Variants in PUDP observed in about 807,000 individuals in gnomAD.
PUDP encodes the protein pseudouridine-5'-phosphatase.
A neutral mutation model predicts 9.4 loss-of-function variants in PUDP; 8 were observed. The ratio of observed to expected loss-of-function variants is 0.85; its 90% CI spans 0.50 to 1.53. The LOEUF (loss-of-function observed/expected upper bound fraction) is 1.53, where lower values mean the gene tolerates loss of function less well. Ranked by LOEUF, PUDP falls within the 40% of genes most tolerant of loss-of-function variation. The pLI, the probability that PUDP is intolerant of heterozygous loss-of-function variation, is 0.00. For synonymous variants in PUDP, 99 were observed against 80.7 expected, an observed-to-expected ratio of 1.23 and a Z score of -1.22; for missense variants, 188 against 189.7, an observed-to-expected ratio of 0.99 and a Z score of 0.05.
At chrX:6,995,552 C>T (rs1269463536) in intron 1 of PUDP, among the ~76,000 whole-genome samples, 2 of 109,464 alleles carry the variant, frequency 1.8e-5, no homozygotes, top group Non-Finnish European at 3.8e-5. Flanking sequence ...GGCAAAACCC[C>T]GTCTCTAAAA....
intron 3 of PUDP, among the ~76,000 whole-genome samples, chrX:7,072,762 C>T (rs997801376): frequency 1.3e-4 from 13 of 99,619 alleles, no homozygotes; most frequent in Non-Finnish European, 2.4e-4. Context: ...TGCAGTGAGC[C>T]GAGATCGTGC....
rs1055951029 is a variant in PUDP at position 6,795,685 on chromosome X, A to C, written c.*248-89219T>G. ...CATTTCTATCTTCCAAGGCTTTTACATAAACACACATGCTTGAAAAGGATG... is the reference window on the plus strand; with the variant it reads ...CATTTCTATCTTCCAAGGCTTTTACCTAAACACACATGCTTGAAAAGGATG... On this transcript the variant is annotated intron_variant and NMD_transcript_variant, in intron 3 of 3. Transcript: ENST00000655425. 1.8e-4 allele frequency among the ~76,000 whole-genome samples: 20 copies of C among 111,849 alleles called. 1 individual carries two copies. Among genetic ancestry groups the C allele is most frequent in the Non-Finnish European group, 3.8e-4 (20 of 53,192 alleles).
At chrX:6,766,803 A>G (rs2369823) in intron 3 of PUDP, among the ~76,000 whole-genome samples, 1 of 112,060 alleles carries the variant, frequency 8.9e-6, no homozygotes, top group Non-Finnish European at 1.9e-5. Context: ...CTGCAATTCT[A>G]TAGTATTGCC....
chrX:6,974,281 G>C (rs1200541067), intron 3 of PUDP, among the ~76,000 whole-genome samples: 1 of 111,498 alleles, frequency 9.0e-6, no homozygotes, highest in Admixed American at 9.5e-5. Context: ...GTTAGTTGAT[G>C]TAGTTGATGC....
At chrX:6,767,467 A>G (rs1925299604) in intron 3 of PUDP, among the ~76,000 whole-genome samples, 2 of 112,637 alleles carry the variant, frequency 1.8e-5, no homozygotes, top group South Asian at 7.4e-4. Context: ...TGTGGAATAC[A>G]TGGCCATACA....
chrX:6,944,183 G>A (rs1005159555), intron 3 of PUDP, among the ~76,000 whole-genome samples: 3 of 110,491 alleles, frequency 2.7e-5, no homozygotes, highest in Non-Finnish European at 5.7e-5. Flanking sequence ...GAGTTCTCAC[G>A]AGATCTGATG....
intron 3 of PUDP, among the ~76,000 whole-genome samples, chrX:6,802,197 T>C (rs1156871148): frequency 9.0e-6 from 1 of 111,725 alleles, no homozygotes; most frequent in Non-Finnish European, 1.9e-5. Flanking sequence ...ATATAGAAGG[T>C]AAATTATCCC....
chrX:6,777,849 C>T (rs1271615408), intron 3 of PUDP, among the ~76,000 whole-genome samples: 2 of 111,733 alleles, frequency 1.8e-5, no homozygotes, highest in Admixed American at 9.5e-5. Context: ...GACACCTACC[C>T]GGAAACAGGT....
chrX:6,787,219 TA>T (rs940541714), intron 3 of PUDP, among the ~76,000 whole-genome samples: 2 of 111,382 alleles, frequency 1.8e-5, no homozygotes, highest in Non-Finnish European at 3.8e-5. Context: ...TTGAATAGCC[TA>T]AAAAAAACCC....
intron 3 of PUDP, among the ~76,000 whole-genome samples, chrX:6,971,887 C>A (rs1928883233): frequency 9.0e-6 from 1 of 111,675 alleles, no homozygotes; most frequent in Non-Finnish European, 1.9e-5. Flanking sequence ...CTCTTGTTTC[C>A]TTGAGCAATG....
chrX:7,060,900 T>C (rs1930382956), intron 3 of PUDP, among the ~76,000 whole-genome samples: 3 of 112,178 alleles, frequency 2.7e-5, no homozygotes, highest in Admixed American at 1.9e-4. Flanking sequence ...CAATGGGCTC[T>C]GCTGACCACT....
At chrX:6,879,453 C>T (rs1927313863) in intron 3 of PUDP, among the ~76,000 whole-genome samples, 1 of 111,388 alleles carries the variant, frequency 9.0e-6, no homozygotes. Context: ...CACACACACA[C>T]ACACACACAC....
chrX:6,799,864 T>C (rs963281091), intron 3 of PUDP, among the ~76,000 whole-genome samples: 34 of 111,687 alleles, frequency 3.0e-4, no homozygotes, highest in African/African-American at 1.0e-3. Flanking sequence ...AAAAATAACA[T>C]TGGGCTTTAA....
At chrX:7,115,904 C>T (rs1473357012) in intron 1 of PUDP, among the ~76,000 whole-genome samples, 1 of 112,510 alleles carries the variant, frequency 8.9e-6, no homozygotes, top group Non-Finnish European at 1.9e-5. Context: ...AAGAGTCTAT[C>T]TGCTCAAAGC....
At chrX:6,717,778 G>T (rs1924616970) in intron 1 of PUDP, among the ~76,000 whole-genome samples, 1 of 111,788 alleles carries the variant, frequency 8.9e-6, no homozygotes, top group Admixed American at 9.5e-5. Flanking sequence ...CTTCCCTGAG[G>T]TCAAAGATTT....
chrX:6,907,323 G>A (rs1194627308), intron 3 of PUDP, among the ~76,000 whole-genome samples: 1 of 111,565 alleles, frequency 9.0e-6, no homozygotes, highest in Non-Finnish European at 1.9e-5. Context: ...GTGGAAATGT[G>A]AGTCAATTAA....
intron 3 of PUDP, among the ~76,000 whole-genome samples, chrX:7,056,498 A>G (rs1930247187): frequency 9.0e-6 from 1 of 111,688 alleles, no homozygotes. Flanking sequence ...TATGATTTTA[A>G]TTAATTTTGT....
At chrX:6,750,137 C>T (rs2146668869) in intron 3 of PUDP, among the ~76,000 whole-genome samples, 1 of 111,994 alleles carries the variant, frequency 8.9e-6, no homozygotes, top group East Asian at 2.8e-4. Context: ...ACCCAGGGAA[C>T]TATTACAGGT....
chrX:6,731,984 T>C (rs1924814973), intron 3 of PUDP, among the ~76,000 whole-genome samples: 1 of 112,134 alleles, frequency 8.9e-6, no homozygotes, highest in Non-Finnish European at 1.9e-5. Flanking sequence ...TATAAATACA[T>C]ATATGCAAAG....
Sources: allele counts gnomAD v4.1 joint callset (sites outside exome capture counted in the v4.1 genomes callset), GRCh38; gene constraint gnomAD v4.1.1; transcripts MANE v1.5; gene names NCBI Gene and HGNC (gene_info 2026-07-23, HGNC 2026-07-21).